Variants in SBNO1 observed in about 807,000 individuals in gnomAD.
SBNO1 encodes strawberry notch homolog 1.
A neutral mutation model predicts 173.6 loss-of-function variants in SBNO1; 23 were observed. The observed-to-expected ratio is 0.13, with a 90% CI of 0.10 to 0.19. SBNO1 has a LOEUF of 0.19. Ranked by LOEUF, SBNO1 falls within the 10% of genes least tolerant of loss-of-function variation. SBNO1 has a pLI of 1.00. For synonymous variants in SBNO1, 632 were observed against 571.5 expected (o/e 1.11, Z -1.51); for missense variants, 1,238 against 1,671.2 (o/e 0.74, Z 4.52).
At chr12:123,310,978 A>G (rs1022653532) in intron 25 of SBNO1, 77 bp downstream of exon 25, 9 of 1,073,368 alleles carry the variant, frequency 8.4e-6, no homozygotes, top group Non-Finnish European at 1.3e-5. Flanking sequence ...CTTCCCCTTC[A>G]GCTCAAAAGC....
chr12:123,311,931 G>A (rs1487240000), intron 24 of SBNO1, among the ~76,000 whole-genome samples: 1 of 149,432 alleles, frequency 6.7e-6, no homozygotes, highest in East Asian at 2.0e-4. Context: ...TTAGAGAGGG[G>A]GTTTCTCCAT....
rs142991593 is a variant in SBNO1, at chr12:123,331,325, A to G, written c.960T>C (p.Gly320=). 8 of 1,613,732 alleles carry G rather than the reference A, an allele frequency of 5.0e-6. No homozygotes were observed. The African/African-American group carries it at 1.1e-4, about 22-fold the overall frequency. The change falls in exon 8 of 32, where the codon GGT becomes GGC. Residue 320 remains glycine (G), a synonymous_variant. Transcript: ENST00000602398. Reference sequence around the variant, plus strand: ...TTCCTTTTCCTACACCGGCACCATCACCTATTAAGAAGCCAGCACGATCTC... The same window carrying G: ...TTCCTTTTCCTACACCGGCACCATCGCCTATTAAGAAGCCAGCACGATCTC... ...PNGDRAGFLI[G]DGAGVGKGRT... is the part of the protein sequence containing the mutation.
chr12:123,298,954 G>A (rs2048691983), intron 30 of SBNO1, among the ~76,000 whole-genome samples: 1 of 152,176 alleles, frequency 6.6e-6, no homozygotes, highest in South Asian at 2.1e-4. Flanking sequence ...TAGGTATGGT[G>A]GCTCATGCCT....
chr12:123,350,376 G>A lies in SBNO1; in HGVS notation c.66C>T (p.Asp22=), dbSNP rs1159987909. The A allele has an allele frequency of 6.2e-7, 1 of 1,614,048 alleles. No homozygotes were observed. Among genetic ancestry groups the A allele is most frequent in the Non-Finnish European group, 8.5e-7 (1 of 1,179,944 alleles). The change falls in exon 2 of 32, where the codon GAC becomes GAT. Residue 22 remains aspartate, a synonymous_variant. Transcript: ENST00000602398. ...ALSESGISPN[D]LFDIDGGDAG... ...CATCTCCACCATCAATATCAAAGAG[G>A]TCATTCGGACTAATTCCACTCTCAC...
Position 123,328,043 on chromosome 12 carries a change from T to C in SBNO1, c.1297-16A>G, listed in dbSNP as rs1164523845. 6.3e-7 allele frequency: 1 copy of C among 1,586,922 alleles called. No homozygotes were observed. ...CAAACACTATCTAAATGGAATGAGT[T>C]AAGGAATGTATCACATTAGTATTAA... On this transcript the variant is annotated splice_polypyrimidine_tract_variant and intron_variant, in intron 10 of 31. Coordinates refer to ENST00000602398, the MANE Select transcript of SBNO1 (RefSeq NM_001167856.3).
intron 29 of SBNO1, 146 bp from the exon 30 acceptor site, chr12:123,303,046 C>A: frequency 1.6e-6 from 1 of 620,450 alleles, no homozygotes; most frequent in Non-Finnish European, 2.9e-6. Context: ...AATCTGAACG[C>A]CATTTGAAAA....
At chr12:123,317,467 T>A in intron 20 of SBNO1, 111 bp from the exon 21 acceptor site, 2 of 924,766 alleles carry the variant, frequency 2.2e-6, no homozygotes, top group Non-Finnish European at 3.3e-6. Context: ...TTCTCAATAA[T>A]GAAGACTTCC....
rs548356389 is a variant in SBNO1 at position 123,346,524 on chromosome 12, C to A, written c.238-954G>T. Reference sequence around the variant, plus strand: ...CTAAAAATACAAAAAATTAGCCGGGCGTGGTGGCGGATGCCTATAGTCCCA... The same window carrying A: ...CTAAAAATACAAAAAATTAGCCGGGAGTGGTGGCGGATGCCTATAGTCCCA... On this transcript the variant is annotated intron_variant, in intron 3 of 31. Coordinates refer to ENST00000602398, the MANE Select transcript of SBNO1 (RefSeq NM_001167856.3). Among the ~76,000 whole-genome samples, 244 of 152,122 alleles carry A rather than the reference C, an allele frequency of 1.6e-3. 1 individual carries two copies. Among genetic ancestry groups the A allele is most frequent in the African/African-American group, 5.4e-3 (226 of 41,510 alleles).
At chr12:123,312,773 T>C (rs1276026307) in intron 24 of SBNO1, among the ~76,000 whole-genome samples, 3 of 151,660 alleles carry the variant, frequency 2.0e-5, no homozygotes, top group African/African-American at 7.3e-5. Context: ...ATGAGCCACA[T>C]GTATCCATCA....
intron 1 of SBNO1, chr12:123,364,415 C>A: frequency 2.0e-6 from 2 of 985,494 alleles, no homozygotes; most frequent in East Asian, 1.1e-4. Context: ...GCCTCCGGCC[C>A]GGGACAGCGG....
chr12:123,342,639 A>C (rs928223180), intron 4 of SBNO1, among the ~76,000 whole-genome samples: 1 of 152,206 alleles, frequency 6.6e-6, no homozygotes, highest in African/African-American at 2.4e-5. Context: ...ACTTTCTTCT[A>C]TACCACTGGT....
At chr12:123,330,583 G>C in intron 8 of SBNO1, 74 bp from the exon 9 acceptor site, 5 of 728,786 alleles carry the variant, frequency 6.9e-6, no homozygotes, top group East Asian at 3.1e-5. Context: ...AATTAATAAA[G>C]CCAGGTCTTG....
chr12:123,315,677 T>G lies in SBNO1; in HGVS notation c.2936-17A>C, dbSNP rs752034812. ...GAGTACGTCCTGCAACGAAATTTTG[T>G]TTTAAAGATCATTGATTGTGTTCGC... On this transcript the variant is annotated splice_polypyrimidine_tract_variant and intron_variant, in intron 21 of 31. Coordinates refer to ENST00000602398, the MANE Select transcript of SBNO1 (RefSeq NM_001167856.3). The G allele has an allele frequency of 1.1e-5, 16 of 1,444,706 alleles. No individual in the cohort carries two copies. Among genetic ancestry groups the G allele is most frequent in the Middle Eastern group, 1.7e-4 (1 of 5,748 alleles). 89.5% of individuals were successfully genotyped at this position (1,444,706 alleles called of 1,614,324 possible). A position where few individuals can be genotyped will look rare whatever the true frequency, so the allele number is the denominator to read the frequency against.
intron 4 of SBNO1, 145 bp downstream of exon 4, chr12:123,345,113 G>T: frequency 1.5e-6 from 1 of 673,818 alleles, no homozygotes. Flanking sequence ...CCCTTGAATT[G>T]TGTTAAAGAC....
At chr12:123,363,125 T>C (rs540418552) in intron 1 of SBNO1, among the ~76,000 whole-genome samples, 1 of 152,084 alleles carries the variant, frequency 6.6e-6, no homozygotes, top group African/African-American at 2.4e-5. Context: ...AACGCAATTA[T>C]ATGGAATAAG....
rs1198621430 is a variant in SBNO1, at chr12:123,330,517, A to C, written c.1044-8T>G. 6.7e-7 allele frequency: 1 copy of C among 1,488,766 alleles called. No individual in the cohort carries two copies. The highest frequency in any genetic ancestry group is 9.2e-7 in the Non-Finnish European group (1 of 1,083,862). 92.2% of individuals were successfully genotyped at this position (1,488,766 alleles called of 1,614,324 possible). On this transcript the variant is annotated splice_region_variant and splice_polypyrimidine_tract_variant and intron_variant, in intron 8 of 31. Transcript: ENST00000602398. ...TCATTTGAAACACTAAACCTGCCAA[A>C]ATATTAAAAAGCACAAATTAAATAC...
rs374892769 is a variant in SBNO1 at position 123,315,581 on chromosome 12, A to G, written c.3015T>C (p.Phe1005=). ...LISELAGEQR[F]ASIVAKRLES... ...CAAGTCTTTTAGCAACAATAGATGC[A>G]AATCTTTGTTCTCCTGCCAGTTCAG... The change falls in exon 22 of 32, where the codon TTT becomes TTC. Residue 1005 remains phenylalanine, a synonymous_variant. Coordinates refer to ENST00000602398, the MANE Select transcript of SBNO1 (RefSeq NM_001167856.3). The G allele has an allele frequency of 2.5e-6, 4 of 1,613,694 alleles. No individual in the cohort carries two copies. Among genetic ancestry groups the G allele is most frequent in the Non-Finnish European group, 1.7e-6 (2 of 1,179,710 alleles).
At chr12:123,334,674 C>T (rs949309028) in intron 6 of SBNO1, among the ~76,000 whole-genome samples, 1 of 152,042 alleles carries the variant, frequency 6.6e-6, no homozygotes, top group African/African-American at 2.4e-5. Flanking sequence ...TGCCACTGCA[C>T]TCCAGCCTGA....
intron 7 of SBNO1, among the ~76,000 whole-genome samples, chr12:123,333,102 C>T (rs11611694): frequency 0.89 from 135,157 of 151,720 alleles, 60,295 homozygotes; most frequent in Middle Eastern, 0.95. Context: ...CCAGCCTGGA[C>T]GACACAGTGA....
Sources: gnomAD v4.1 joint callset for allele counts (sites outside exome capture counted in the v4.1 genomes callset) on GRCh38, gnomAD v4.1.1 for gene constraint, MANE v1.5 for transcripts, NCBI Gene and HGNC (gene_info 2026-07-23, HGNC 2026-07-21) for gene names.